Variants in CTC1 observed in about 807,000 individuals in gnomAD.
CTC1 encodes the protein CST complex subunit CTC1.
CTC1 carries 91 observed loss-of-function variants against 136.3 expected under a neutral mutation model. The ratio of observed to expected loss-of-function variants is 0.67; its 90% CI spans 0.56 to 0.79. The LOEUF is 0.79. Among genes scored for constraint, CTC1 ranks in the 30% least tolerant of loss-of-function variants. CTC1 has a pLI of 0.00. For synonymous variants in CTC1, 606 were observed against 613.8 expected (o/e 0.99, Z 0.19); for missense variants, 1,432 against 1,498.1 (o/e 0.96, Z 0.73).
At chr17:8,245,675 C>T (rs1988614921) in intron 1 of CTC1, among the ~76,000 whole-genome samples, 1 of 152,228 alleles carries the variant, frequency 6.6e-6, no homozygotes, top group East Asian at 1.9e-4. Context: ...TGGTGGCTCT[C>T]GCCTGTAATC....
At chr17:8,245,239 T>C (rs530988828) in intron 1 of CTC1, among the ~76,000 whole-genome samples, 16 of 152,262 alleles carry the variant, frequency 1.1e-4, no homozygotes, top group Admixed American at 3.3e-4. Context: ...CAAACCCCCA[T>C]GACATGAGGT....
chr17:8,241,593 G>A (rs574319066), intron 2 of CTC1, among the ~76,000 whole-genome samples: 1 of 131,686 alleles, frequency 7.6e-6, no homozygotes, highest in East Asian at 2.2e-4. Flanking sequence ...GCAACAGAAT[G>A]AGACTCCGTC....
rs1432613856 is a variant in CTC1, at chr17:8,232,928, G to C, written c.1923C>G (p.Pro641=). Residue 641 remains proline (P), a synonymous_variant, in exon 11 of 23, where the codon CCC becomes CCG. Coordinates refer to ENST00000651323, the MANE Select transcript of CTC1 (RefSeq NM_025099.6). ...PCLLLAKHSQ[P]LSDPRLIGCL... is the part of the protein sequence containing the mutation. ...AACCTATCAGCCGTGGGTCACTGAG[G>C]GGTTGAGAGTGCTTGGCCAGGAGCA... is the stretch of plus-strand genomic sequence containing the variant. 6.2e-7 allele frequency: 1 copy of C among 1,613,950 alleles called. No individual in the cohort carries two copies. Among genetic ancestry groups the C allele is most frequent in the Non-Finnish European group, 8.5e-7 (1 of 1,179,990 alleles).
chr17:8,233,273 G>A, intron 10 of CTC1: 2 of 466,832 alleles, frequency 4.3e-6, no homozygotes, highest in South Asian at 2.4e-5. Flanking sequence ...AGGCCATGCG[G>A]GATCTCACAG....
In CTC1 at chr17:8,225,074, G is replaced by A. The variant is rs1260445215; in HGVS notation, c.*3106C>T. The A allele has an allele frequency of 6.6e-6, 1 of 152,230 alleles. No homozygotes were observed. The highest frequency in any genetic ancestry group is 2.4e-5 in the African/African-American group (1 of 41,448). The allele number at this position is 152,230 out of a possible 1,614,324, so 9.4% of individuals were successfully genotyped here. A position where few individuals can be genotyped will look rare whatever the true frequency, so the allele number is the denominator to read the frequency against. ...GTTTCACTATGTTGGCCAGGCTGCT[G>A]GTCTGGAACTCCTGACCTCGTGATC... is the stretch of plus-strand genomic sequence containing the variant. On this transcript the variant is annotated 3_prime_UTR_variant, in exon 23 of 23. Coordinates refer to ENST00000651323, the MANE Select transcript of CTC1 (RefSeq NM_025099.6).
intron 15 of CTC1, 102 bp from the exon 16 acceptor site, chr17:8,230,753 A>T: frequency 1.1e-6 from 1 of 944,066 alleles, no homozygotes; most frequent in Admixed American, 2.0e-5. Context: ...ATCTGCTAGA[A>T]CTTCATATAT....
chr17:8,227,052 G>C lies in CTC1; in HGVS notation c.*1128C>G, dbSNP rs1361234807. 6.6e-6 allele frequency: 1 copy of C among 151,026 alleles called. No homozygotes were observed. The highest frequency in any genetic ancestry group is 2.0e-4 in the South Asian group (1 of 5,078). 9.4% of individuals were successfully genotyped at this position (151,026 alleles called of 1,614,324 possible). A position where few individuals can be genotyped will look rare whatever the true frequency, so the allele number is the denominator to read the frequency against. On this transcript the variant is annotated 3_prime_UTR_variant, in exon 23 of 23. Coordinates refer to ENST00000651323, the MANE Select transcript of CTC1 (RefSeq NM_025099.6). Reference sequence around the variant, plus strand: ...TATTAGCACCACGCTCTAACCAACTGAGCTAACCGGCCACTAACTTTCCGG... The same window carrying C: ...TATTAGCACCACGCTCTAACCAACTCAGCTAACCGGCCACTAACTTTCCGG...
At chr17:8,230,758 A>G (rs559752313) in intron 15 of CTC1, 107 bp from the exon 16 acceptor site, 1 of 912,440 alleles carries the variant, frequency 1.1e-6, no homozygotes, top group Admixed American at 2.1e-5. Context: ...CTAGAACTTC[A>G]TATATAAAGT....
chr17:8,230,466 T>TC lies in CTC1; in HGVS notation c.2760dup (p.Asn921GlufsTer16), dbSNP rs1987120725. 1 of 1,613,886 alleles carries TC rather than the reference T, an allele frequency of 6.2e-7. No homozygotes were observed. ...ACACACCTTCTCATGGCCCCCGTGTTCCCTATAGAAGGAAGGTGGGTGTTA... is the reference window on the plus strand; with the variant it reads ...ACACACCTTCTCATGGCCCCCGTGTTCCCCTATAGAAGGAAGGTGGGTGTTA... On this transcript the variant is annotated frameshift_variant and splice_region_variant, in exon 17 of 23. Coordinates refer to ENST00000651323, the MANE Select transcript of CTC1 (RefSeq NM_025099.6). LOFTEE classifies it high-confidence loss of function.
chr17:8,242,261 G>T (rs994050539), intron 2 of CTC1, among the ~76,000 whole-genome samples: 4 of 151,780 alleles, frequency 2.6e-5, no homozygotes, highest in Non-Finnish European at 5.9e-5. Flanking sequence ...TCGAACTGCC[G>T]ACCTCAGGTG....
Position 8,226,189 on chromosome 17 carries a change from A to G in CTC1, c.*1991T>C, listed in dbSNP as rs918150796. The stretch of plus-strand genomic sequence containing the variant: ...GTTCTGATATAAAAACAATACATGA[A>G]AGGATGTGGATTTAGCCGCAAAATC... On this transcript the variant is annotated 3_prime_UTR_variant, in exon 23 of 23. Transcript: ENST00000651323. 1.3e-5 allele frequency: 2 copies of G among 152,168 alleles called. No homozygotes were observed. The highest frequency in any genetic ancestry group is 2.4e-5 in the African/African-American group (1 of 41,432). The allele number at this position is 152,168 out of a possible 1,614,324, so 9.4% of individuals were successfully genotyped here. A position where few individuals can be genotyped will look rare whatever the true frequency, so the allele number is the denominator to read the frequency against.
chr17:8,232,120 T>C lies in CTC1; in HGVS notation c.2168A>G (p.Glu723Gly). The change falls in exon 13 of 23, where the codon GAG becomes GGG. Residue 723 changes from glutamate to glycine, a missense_variant. Transcript: ENST00000651323. ...STPQTDPTGP[E>G]GPHLGQSRLF... The stretch of plus-strand genomic sequence containing the variant: ...CCGGCTCTGTCCTAGGTGGGGTCCC[T>C]CTGGGCCGGTGGGATCTGTCTGAGG... 1 of 1,532,420 alleles carries C rather than the reference T, an allele frequency of 6.5e-7. No homozygotes were observed. Among genetic ancestry groups the C allele is most frequent in the Non-Finnish European group, 8.7e-7 (1 of 1,144,534 alleles). 94.9% of individuals were successfully genotyped at this position (1,532,420 alleles called of 1,614,324 possible).
At chr17:8,233,813 C>T (rs1231006494) in intron 10 of CTC1, among the ~76,000 whole-genome samples, 4 of 150,868 alleles carry the variant, frequency 2.7e-5, no homozygotes, top group African/African-American at 4.9e-5. Context: ...GGTGAACGCC[C>T]GTAGTCTCAG....
chr17:8,228,479 T>G, intron 22 of CTC1, 24 bp downstream of exon 22: 1 of 1,614,104 alleles, frequency 6.2e-7, no homozygotes, highest in Non-Finnish European at 8.5e-7. Flanking sequence ...CCTATCATCA[T>G]GATCCCCCCG....
intron 1 of CTC1, among the ~76,000 whole-genome samples, chr17:8,243,457 T>G (rs1194759673): frequency 2.0e-5 from 3 of 150,216 alleles, no homozygotes; most frequent in Non-Finnish European, 4.4e-5. Context: ...AGGCGGAGGT[T>G]GTGGTGAGCC....
At chr17:8,231,099 C>T (rs1231670728) in intron 15 of CTC1, among the ~76,000 whole-genome samples, 177 bp downstream of exon 15, 1 of 152,108 alleles carries the variant, frequency 6.6e-6, no homozygotes, top group Admixed American at 6.5e-5. Flanking sequence ...TGAGATCAGG[C>T]CATTGCACTC....
At position 8,228,173 on chromosome 17, in the gene CTC1, A is replaced by G; in HGVS notation, c.*7T>C. The stretch of plus-strand genomic sequence containing the variant: ...GGAAGGACTCTCAGGCCATCCTTGC[A>G]GTTCAGTTAACAGGAGGAAGCAAGG... On this transcript the variant is annotated 3_prime_UTR_variant, in exon 23 of 23. Transcript: ENST00000651323. The G allele has an allele frequency of 1.2e-6, 2 of 1,613,136 alleles. No homozygotes were observed. The highest frequency in any genetic ancestry group is 1.7e-4 in the Middle Eastern group (1 of 6,060).
chr17:8,235,194 C>A lies in CTC1; in HGVS notation c.1298G>T (p.Ser433Ile). The A allele has an allele frequency of 6.2e-7, 1 of 1,614,174 alleles. No homozygotes were observed. The highest frequency in any genetic ancestry group is 1.1e-5 in the South Asian group (1 of 91,086). The change falls in exon 8 of 23, where the codon AGC becomes ATC. Residue 433 changes from serine to isoleucine, a missense_variant. Ser to Ile is a moderately radical substitution (Grantham distance 142). Transcript: ENST00000651323. ...PCLRGAVLLQSFSRQKPGAHS... is the reference protein window; with the variant it reads ...PCLRGAVLLQIFSRQKPGAHS... The stretch of plus-strand genomic sequence containing the variant: ...AGCCCCAGGCTTCTGACGAGAGAAG[C>A]TTTGAAGCAGAACGGCGCCACGGAG...
chr17:8,245,420 A>G (rs1422748607), intron 1 of CTC1, among the ~76,000 whole-genome samples: 1 of 152,140 alleles, frequency 6.6e-6, no homozygotes, highest in Admixed American at 6.6e-5. Context: ...TGGAAGGCAG[A>G]CCAAATCACC....
Sources: allele counts gnomAD v4.1 joint callset (sites outside exome capture counted in the v4.1 genomes callset), GRCh38; gene constraint gnomAD v4.1.1; transcripts MANE v1.5; gene names NCBI Gene and HGNC (gene_info 2026-07-23, HGNC 2026-07-21).